PKN3: variants seen among roughly 807,000 people sequenced by gnomAD.
PKN3 encodes the protein protein kinase N3, also known as serine/threonine-protein kinase N3.
Under a neutral mutation model 113.1 loss-of-function variants are expected in PKN3, and 91 were observed. The ratio of observed to expected loss-of-function variants is 0.80; its 90% confidence interval spans 0.68 to 0.96. The LOEUF (loss-of-function observed/expected upper bound fraction) is 0.96, where lower values mean the gene tolerates loss of function less well. PKN3 is among the 40% of genes least tolerant of loss of function. The pLI is 0.00. For synonymous variants in PKN3, 467 were observed against 499.0 expected (o/e 0.94, Z 0.85); for missense variants, 1,052 against 1,202.2 (o/e 0.88, Z 1.85).
intron 2 of PKN3, 48 bp downstream of exon 2, chr9:128,705,591 T>C (rs1483209949): frequency 6.5e-7 from 1 of 1,546,944 alleles, no homozygotes; most frequent in Non-Finnish European, 8.7e-7. Flanking sequence ...TCTAGGCCCA[T>C]CTGGCCCCTG....
At chr9:128,716,215 T>G (rs1375640177) in intron 15 of PKN3, among the ~76,000 whole-genome samples, 14 of 146,048 alleles carry the variant, frequency 9.6e-5, no homozygotes, top group Admixed American at 3.5e-4. Flanking sequence ...GGAGGATCAC[T>G]TGAACCTCAG....
At chr9:128,717,117 C>CTTTTTTTTTTTTTTTTT (rs34182369) in intron 16 of PKN3, among the ~76,000 whole-genome samples, 194 bp downstream of exon 16, 1,165 of 24,378 alleles carry the variant, frequency 0.048, 506 homozygotes, top group East Asian at 0.1. Context: ...CATTAGGTTT[C>CTTTTTTTTTTTTTTTTT]TTTTTTTTTT....
At position 128,715,510 on chromosome 9, in the gene PKN3, C is replaced by A. The variant is rs777895205; in HGVS notation, c.1808+50C>A. On this transcript the variant is annotated intron_variant, in intron 15 of 21. Transcript: ENST00000291906. This position sits in a 1 kb window ranked among gnomAD's most constrained non-coding sequence, Gnocchi z 4.1. ...CCAGGATGGCTGGCCTGGGCTGTGGCATCCAGAGGGCAGTTGAAGGTTCCT... is the reference window on the plus strand; with the variant it reads ...CCAGGATGGCTGGCCTGGGCTGTGGAATCCAGAGGGCAGTTGAAGGTTCCT... The A allele has an allele frequency of 7.1e-7, 1 of 1,409,506 alleles. No homozygotes were observed. Among genetic ancestry groups the A allele is most frequent in the Non-Finnish European group, 1.0e-6 (1 of 996,926 alleles). 87.3% of individuals were successfully genotyped at this position (1,409,506 alleles called of 1,614,324 possible). A position where few individuals can be genotyped will look rare whatever the true frequency, so the allele number is the denominator to read the frequency against.
chr9:128,720,163 G>A lies in PKN3; in HGVS notation c.2377-40G>A, dbSNP rs755577492. On this transcript the variant is annotated intron_variant, in intron 20 of 21. Transcript: ENST00000291906. The surrounding 1 kb of genome is among the most constrained non-coding windows in gnomAD (Gnocchi z 5.5). ...GGCCTGTGGATGATGGCAGTGCCTG[G>A]GGCTGAATGCCCTAAGTGAGCGCCT... 1.1e-5 allele frequency: 18 copies of A among 1,594,898 alleles called. No individual in the cohort carries two copies. Among genetic ancestry groups the A allele is most frequent in the African/African-American group, 2.7e-5 (2 of 74,698 alleles).
chr9:128,709,857 C>G (rs905913735), intron 6 of PKN3: 2 of 146,116 alleles, frequency 1.4e-5, no homozygotes, highest in Non-Finnish European at 3.0e-5. Context: ...ACCTGGGAGG[C>G]GGAGCTTGCA....
At chr9:128,717,401 T>A (rs1862375847) in intron 16 of PKN3, among the ~76,000 whole-genome samples, 1 of 151,476 alleles carries the variant, frequency 6.6e-6, no homozygotes, top group South Asian at 2.1e-4. Flanking sequence ...GTGCTGAGAT[T>A]ACAGGCGTGA....
At chr9:128,710,499 C>CT (rs568117410) in intron 6 of PKN3, among the ~76,000 whole-genome samples, 195 of 149,284 alleles carry the variant, frequency 1.3e-3, no homozygotes, top group African/African-American at 4.1e-3. Flanking sequence ...ATTTTCTTTT[C>CT]TTTTTTTTTT....
chr9:128,714,923 G>C, intron 13 of PKN3, 58 bp downstream of exon 13: 2 of 1,511,756 alleles, frequency 1.3e-6, no homozygotes, highest in Admixed American at 3.3e-5. Flanking sequence ...TTGAACATTT[G>C]TGTATCCATT....
In PKN3 at chr9:128,702,601, G is replaced by C; in HGVS notation, c.-315G>C. 1 of 352,382 alleles carries C rather than the reference G, an allele frequency of 2.8e-6. No homozygotes were observed. Among genetic ancestry groups the C allele is most frequent in the East Asian group, 5.0e-5 (1 of 20,052 alleles). 21.8% of individuals were successfully genotyped at this position (352,382 alleles called of 1,614,324 possible). ...TGCCTCCTGAGCGTCCAAACCGGGG[G>C]TGAGGCGCGGTCACGCCCAGCGGGA... On this transcript the variant is annotated 5_prime_UTR_variant, in exon 1 of 22. Transcript: ENST00000291906.
Position 128,705,381 on chromosome 9 carries a change from G to T in PKN3, c.103G>T (p.Glu35Ter). The change falls in exon 2 of 22, where the codon GAG (glutamate) becomes TAG (stop). Residue 35 changes from glutamate (E) to a stop codon, truncating the protein, a stop_gained. Transcript: ENST00000291906. LOFTEE classifies it high-confidence loss of function. ...RAIQKELKIK[E>*]GVENLRRVAT... ...CATCCAGAAAGAGCTGAAGATCAAG[G>T]AGGGGGTGGAGAACCTGCGGCGCGT... 6.3e-7 allele frequency: 1 copy of T among 1,597,364 alleles called. No homozygotes were observed. Among genetic ancestry groups the T allele is most frequent in the Non-Finnish European group, 8.5e-7 (1 of 1,172,688 alleles).
intron 18 of PKN3, 49 bp from the exon 19 acceptor site, chr9:128,719,637 T>C: frequency 1.2e-5 from 18 of 1,511,498 alleles, no homozygotes; most frequent in Non-Finnish European, 1.6e-5. Context: ...TTGAAGTTAT[T>C]GTGAATAGGC....
chr9:128,709,322 A>G (rs1862113932), intron 6 of PKN3, among the ~76,000 whole-genome samples: 1 of 146,846 alleles, frequency 6.8e-6, no homozygotes, highest in South Asian at 2.2e-4. Flanking sequence ...GCCAGGTATG[A>G]TGGTACGTAC....
intron 18 of PKN3, 29 bp from the exon 19 acceptor site, chr9:128,719,657 C>T (rs775777711): frequency 2.0e-6 from 3 of 1,522,456 alleles, no homozygotes; most frequent in Non-Finnish European, 2.6e-6. Context: ...CCACACCAAG[C>T]AGCTATTGGT....
rs549024083 is a variant in PKN3 at position 128,713,050 on chromosome 9, A to G, written c.836-2A>G. The G allele has an allele frequency of 1.2e-6, 2 of 1,600,436 alleles. No individual in the cohort carries two copies. Among genetic ancestry groups the G allele is most frequent in the African/African-American group, 1.3e-5 (1 of 74,726 alleles). ...AACGCCCCCCGCTCACTCTCCCCAC[A>G]GGGACACTGCAGGTCCGCCTCCTGG... On this transcript the variant is annotated splice_acceptor_variant, in intron 6 of 21. Coordinates refer to ENST00000291906, the MANE Select transcript of PKN3 (RefSeq NM_013355.5). LOFTEE classifies it high-confidence loss of function.
Position 128,719,926 on chromosome 9 carries a change from A to C in PKN3, c.2285A>C (p.Asp762Ala), listed in dbSNP as rs780047761. The C allele has an allele frequency of 1.3e-5, 21 of 1,613,872 alleles. No individual in the cohort carries two copies. The highest frequency in any genetic ancestry group is 1.6e-4 in the Middle Eastern group (1 of 6,084). The change falls in exon 20 of 22, where the codon GAC (aspartate) becomes GCC (alanine). Residue 762 changes from aspartate (D) to alanine (A), a missense_variant. Physicochemically the swap from Asp to Ala is moderately radical, Grantham distance 126 (BLOSUM62 -2). Transcript: ENST00000291906. Reference protein sequence around the residue: ...MLVGECPFPGDTEEEVFDCIV... With the variant: ...MLVGECPFPGATEEEVFDCIV... The stretch of plus-strand genomic sequence containing the variant: ...TCTCCACAGTGCCCGTTCCCAGGGG[A>C]CACAGAGGAAGAGGTGTTTGACTGC...
chr9:128,709,298 A>ATT (rs55697936), intron 6 of PKN3, among the ~76,000 whole-genome samples: 1 of 145,390 alleles, frequency 6.9e-6, no homozygotes, highest in East Asian at 2.0e-4. Context: ...AAAAATAAAA[A>ATT]AATAAAAAAA....
chr9:128,715,130 C>G lies in PKN3; in HGVS notation c.1653-42C>G, dbSNP rs201610196. 3.8e-6 allele frequency: 6 copies of G among 1,594,636 alleles called. No individual in the cohort carries two copies. Among genetic ancestry groups the G allele is most frequent in the Non-Finnish European group, 5.2e-6 (6 of 1,162,756 alleles). On this transcript the variant is annotated intron_variant, in intron 13 of 21. Coordinates refer to ENST00000291906, the MANE Select transcript of PKN3 (RefSeq NM_013355.5). This position sits in a 1 kb window ranked among gnomAD's most constrained non-coding sequence, Gnocchi z 4.1. ...GAGTGGCTCTGGGTAGGGGCCCAGC[C>G]AGTGCCCTAGGGGACTTCATATACC...
intron 3 of PKN3, among the ~76,000 whole-genome samples, chr9:128,706,383 G>C (rs1208246073): frequency 1.3e-5 from 2 of 151,534 alleles, no homozygotes; most frequent in Admixed American, 6.6e-5. Context: ...GATGGGGGAG[G>C]CATGACCACA....
At position 128,720,040 on chromosome 9, in the gene PKN3, C is replaced by T. The variant is rs376989913; in HGVS notation, c.2376+23C>T. 7.7e-5 allele frequency: 124 copies of T among 1,600,516 alleles called. No homozygotes were observed. The highest frequency in any genetic ancestry group is 4.2e-4 in the East Asian group (19 of 44,816). On this transcript the variant is annotated intron_variant, in intron 20 of 21. Transcript: ENST00000291906. This position sits in a 1 kb window ranked among gnomAD's most constrained non-coding sequence, Gnocchi z 5.5. The stretch of plus-strand genomic sequence containing the variant: ...AAGGTAAGCACTGCGGGGTCTGGGG[C>T]TGGGCTGGATGGCCGCTCAAGGCCC...
Sources: allele counts gnomAD v4.1 joint callset (sites outside exome capture counted in the v4.1 genomes callset), GRCh38; gene constraint gnomAD v4.1.1; non-coding constraint Gnocchi (gnomAD v3.1); transcripts MANE v1.5; gene names NCBI Gene and HGNC (gene_info 2026-07-23, HGNC 2026-07-21).